Variants in CCSER1 observed in about 807,000 individuals in gnomAD.
The protein encoded by CCSER1 is serine-rich coiled-coil domain-containing protein 1.
Under a neutral mutation model 82.0 loss-of-function variants are expected in CCSER1, and 41 were observed. The observed-to-expected ratio is 0.50, with a 90% confidence interval of 0.39 to 0.65. CCSER1 has a LOEUF of 0.65. Among genes scored for constraint, CCSER1 ranks in the 30% least tolerant of loss-of-function variants. CCSER1 has a pLI of 0.00. For missense variants in CCSER1, 1,119 were observed against 1,064.2 expected, an observed-to-expected ratio of 1.05 and a Z score of -0.72; for synonymous variants, 414 against 383.9, an observed-to-expected ratio of 1.08 and a Z score of -0.92.
At chr4:90,424,090 CAAAA>C (rs983353518) in intron 4 of CCSER1, among the ~76,000 whole-genome samples, 13 of 84,634 alleles carry the variant, frequency 1.5e-4, no homozygotes, top group African/African-American at 5.3e-4. Flanking sequence ...GTCTCTGTCT[CAAAA>C]AAAAAAAAAA....
intron 10 of CCSER1, among the ~76,000 whole-genome samples, chr4:91,276,293 CTTTTTT>C (rs545936410): frequency 1.7e-5 from 2 of 116,274 alleles, no homozygotes; most frequent in Admixed American, 8.8e-5. Context: ...GATGTCTTTC[CTTTTTT>C]TTTTTTTTTT....
At chr4:90,621,126 T>C (rs1162910450) in intron 5 of CCSER1, among the ~76,000 whole-genome samples, 1 of 152,126 alleles carries the variant, frequency 6.6e-6, no homozygotes, top group African/African-American at 2.4e-5. Context: ...GCCACCAGTG[T>C]TTTTTACAGC....
At chr4:91,583,614 ACTT>A (rs1213011536) in intron 10 of CCSER1, among the ~76,000 whole-genome samples, 4 of 151,558 alleles carry the variant, frequency 2.6e-5, no homozygotes, top group Admixed American at 1.3e-4. Context: ...GCAATAATTG[ACTT>A]CTAAGCTTCT....
intron 6 of CCSER1, among the ~76,000 whole-genome samples, chr4:90,647,379 G>A (rs4693242): frequency 0.48 from 72,275 of 151,912 alleles, 17,550 homozygotes; most frequent in Middle Eastern, 0.54. Context: ...ATATGAGCAC[G>A]TTAACCGCTT....
rs151276578 is a variant in CCSER1 at position 90,686,981 on chromosome 4, G to A, written c.1933-36933G>A. On this transcript the variant is annotated intron_variant, in intron 6 of 10. Transcript: ENST00000509176. ...TATACCATTTAACTAATGTAGTGGG[G>A]GTCCCCAAGTGCCATGCATGAAGGT... Among the ~76,000 whole-genome samples the A allele has an allele frequency of 6.0e-4, 91 of 152,162 alleles. 1 individual carries two copies. In the East Asian group the frequency reaches 0.014, roughly 24 times the overall value.
intron 10 of CCSER1, among the ~76,000 whole-genome samples, chr4:91,294,862 C>A (rs1744036819): frequency 6.6e-6 from 1 of 151,930 alleles, no homozygotes; most frequent in Admixed American, 6.6e-5. Flanking sequence ...CCAAGTTGTA[C>A]ATATATTTTG....
chr4:91,250,318 A>T (rs964584783), intron 10 of CCSER1, among the ~76,000 whole-genome samples: 1 of 152,010 alleles, frequency 6.6e-6, no homozygotes, highest in African/African-American at 2.4e-5. Context: ...TCTGTGTTTT[A>T]TTATATGGAG....
At chr4:91,445,236 T>C (rs1163081838) in intron 10 of CCSER1, among the ~76,000 whole-genome samples, 2 of 152,146 alleles carry the variant, frequency 1.3e-5, no homozygotes, top group African/African-American at 4.8e-5. Flanking sequence ...CAAGAATTAT[T>C]TTATGACTTG....
At chr4:90,321,322 T>C (rs12644644) in intron 3 of CCSER1, among the ~76,000 whole-genome samples, 43,103 of 152,092 alleles carry the variant, frequency 0.28, 6,504 homozygotes, top group African/African-American at 0.38. Context: ...AATTTGTCTT[T>C]CCACACTTCA....
chr4:91,538,698 C>T (rs202042549), intron 10 of CCSER1, among the ~76,000 whole-genome samples: 8 of 138,336 alleles, frequency 5.8e-5, no homozygotes, highest in South Asian at 2.3e-4. Context: ...TATATATACA[C>T]ATATATATAT....
intron 1 of CCSER1, among the ~76,000 whole-genome samples, chr4:90,249,903 T>A (rs1371142994): frequency 6.6e-6 from 1 of 152,132 alleles, no homozygotes; most frequent in Non-Finnish European, 1.5e-5. Context: ...TGGAGAACAC[T>A]TATTAATATC....
chr4:90,179,699 G>A lies in CCSER1; in HGVS notation c.-42+51868G>A, dbSNP rs150027811. 6.0e-3 allele frequency among the ~76,000 whole-genome samples: 912 copies of A among 152,306 alleles called. 13 individuals are homozygous for A. The highest frequency in any genetic ancestry group is 0.021 in the African/African-American group (857 of 41,566). ...CTAAAAATATTTTAACAGTTTCCTCGAGTGGTTCTAGTTGTGGATGTCCAG... is the reference window on the plus strand; with the variant it reads ...CTAAAAATATTTTAACAGTTTCCTCAAGTGGTTCTAGTTGTGGATGTCCAG... On this transcript the variant is annotated intron_variant, in intron 1 of 10. Transcript: ENST00000509176.
intron 10 of CCSER1, among the ~76,000 whole-genome samples, chr4:91,494,568 A>G (rs1338819104): frequency 6.6e-6 from 1 of 151,850 alleles, no homozygotes; most frequent in Non-Finnish European, 1.5e-5. Flanking sequence ...ATATGCATAC[A>G]GTTTATTTGG....
chr4:90,662,861 T>C (rs1731081964), intron 6 of CCSER1, among the ~76,000 whole-genome samples: 1 of 152,172 alleles, frequency 6.6e-6, no homozygotes, highest in African/African-American at 2.4e-5. Context: ...TCCTGCTATG[T>C]CATAATCCAA....
chr4:91,569,471 G>T (rs183550999), intron 10 of CCSER1, among the ~76,000 whole-genome samples: 1 of 152,264 alleles, frequency 6.6e-6, no homozygotes, highest in African/African-American at 2.4e-5. Context: ...ACCAGAGACT[G>T]AGTACTTTAT....
At chr4:90,543,480 C>A (rs181368461) in intron 5 of CCSER1, among the ~76,000 whole-genome samples, 1 of 152,250 alleles carries the variant, frequency 6.6e-6, no homozygotes, top group African/African-American at 2.4e-5. Flanking sequence ...TGAAAATAAG[C>A]ATTTCAAAAC....
At chr4:91,514,376 T>C (rs1759987571) in intron 10 of CCSER1, among the ~76,000 whole-genome samples, 1 of 152,166 alleles carries the variant, frequency 6.6e-6, no homozygotes, top group South Asian at 2.1e-4. Flanking sequence ...TGGTTATGTA[T>C]GTGGTTGATG....
At chr4:90,411,553 G>C (rs1208790244) in intron 4 of CCSER1, among the ~76,000 whole-genome samples, 2 of 152,116 alleles carry the variant, frequency 1.3e-5, no homozygotes, top group African/African-American at 4.8e-5. Context: ...TGCAGAAAAG[G>C]CCTTTGACAA....
intron 1 of CCSER1, among the ~76,000 whole-genome samples, chr4:90,187,358 ATTTTTT>A (rs67308500): frequency 7.7e-6 from 1 of 130,464 alleles, no homozygotes. Flanking sequence ...TACAGTAGCT[ATTTTTT>A]TTTTTTTTTT....
Sources: gnomAD v4.1 joint callset for allele counts (sites outside exome capture counted in the v4.1 genomes callset) on GRCh38, gnomAD v4.1.1 for gene constraint, MANE v1.5 for transcripts, NCBI Gene and HGNC (gene_info 2026-07-23, HGNC 2026-07-21) for gene names.